The following PIBF1 variants were observed in gnomAD, a reference collection of about 807,000 sequenced individuals.
PIBF1 encodes progesterone-induced-blocking factor 1.
PIBF1 carries 90 observed loss-of-function variants against 112.5 expected under a neutral mutation model. That is an observed-to-expected ratio of 0.80 (90% CI 0.67 to 0.95). PIBF1 has a LOEUF of 0.95. Ranked by LOEUF, PIBF1 falls within the 40% of genes least tolerant of loss-of-function variation. PIBF1 has a pLI of 0.00. For synonymous variants in PIBF1, 301 were observed against 288.6 expected, an observed-to-expected ratio of 1.04 and a Z score of -0.44; for missense variants, 915 against 852.3, an observed-to-expected ratio of 1.07 and a Z score of -0.92.
At chr13:72,919,108 CT>C (rs1364367558) in intron 13 of PIBF1, among the ~76,000 whole-genome samples, 5 of 151,892 alleles carry the variant, frequency 3.3e-5, no homozygotes, top group South Asian at 2.1e-4. Context: ...TTCAGAGTTG[CT>C]TTTTTTTATG....
intron 14 of PIBF1, among the ~76,000 whole-genome samples, chr13:72,947,488 C>A (rs933380573): frequency 6.6e-6 from 1 of 152,180 alleles, no homozygotes; most frequent in Admixed American, 6.5e-5. Flanking sequence ...ACATTTTGCT[C>A]CTTGTTACAT....
Position 72,831,665 on chromosome 13 carries a change from G to T in PIBF1, c.1098-3578G>T, listed in dbSNP as rs184216096. On this transcript the variant is annotated intron_variant, in intron 8 of 17. Transcript: ENST00000326291. ...TGATTTCTGTTCTTTTGCATTTGCT[G>T]AGGGGTGTTTTACTTCCTATTATGT... 1.0e-3 allele frequency among the ~76,000 whole-genome samples: 153 copies of T among 152,290 alleles called. No individual in the cohort carries two copies. In the Middle Eastern group the frequency reaches 0.024, roughly 24 times the overall value.
At chr13:72,961,007 T>C (rs965042044) in intron 14 of PIBF1, among the ~76,000 whole-genome samples, 2 of 152,038 alleles carry the variant, frequency 1.3e-5, no homozygotes, top group African/African-American at 4.8e-5. Flanking sequence ...AAAAGTAGCC[T>C]TCTTTTCTTT....
At chr13:72,980,814 A>T in intron 16 of PIBF1, among the ~76,000 whole-genome samples, 1 of 151,992 alleles carries the variant, frequency 6.6e-6, no homozygotes, top group East Asian at 1.9e-4. Flanking sequence ...TCCAAAAAAA[A>T]AAAAGAAAAA....
chr13:72,911,796 G>A (rs1234026902), intron 12 of PIBF1, among the ~76,000 whole-genome samples: 1 of 152,032 alleles, frequency 6.6e-6, no homozygotes, highest in Non-Finnish European at 1.5e-5. Context: ...AAAAGAAAAT[G>A]ATACCCAAAT....
intron 16 of PIBF1, among the ~76,000 whole-genome samples, chr13:72,976,343 AAGG>A (rs1183808964): frequency 6.6e-6 from 1 of 151,784 alleles, no homozygotes; most frequent in African/African-American, 2.4e-5. Context: ...AGAAGGAAGA[AAGG>A]AAGCGAAGGA....
intron 6 of PIBF1, among the ~76,000 whole-genome samples, chr13:72,822,249 T>C (rs1261900566): frequency 6.6e-6 from 1 of 152,194 alleles, no homozygotes; most frequent in African/African-American, 2.4e-5. Flanking sequence ...TTTTCAGTGT[T>C]ATTTGATGAT....
intron 16 of PIBF1, among the ~76,000 whole-genome samples, chr13:72,984,145 G>A (rs1389398965): frequency 6.6e-6 from 1 of 152,044 alleles, no homozygotes; most frequent in African/African-American, 2.4e-5. Context: ...GGACTAAAAT[G>A]TTGCAAAAAA....
chr13:72,843,601 G>A (rs151219125), intron 9 of PIBF1, among the ~76,000 whole-genome samples: 174 of 152,256 alleles, frequency 1.1e-3, no homozygotes, highest in African/African-American at 3.9e-3. Context: ...TAGTAGAGAC[G>A]GGGTTTCGCC....
intron 11 of PIBF1, among the ~76,000 whole-genome samples, chr13:72,902,380 C>G (rs935806698): frequency 6.8e-6 from 1 of 146,818 alleles, no homozygotes; most frequent in Admixed American, 6.8e-5. Context: ...CAATAACTTA[C>G]GGAAAAATAA....
In PIBF1 at chr13:72,961,589, T is replaced by C. The variant is rs2042609480; in HGVS notation, c.1834-3685T>C. Among the ~76,000 whole-genome samples the C allele has an allele frequency of 2.0e-5, 3 of 152,160 alleles. No homozygotes were observed. The South Asian group carries it at 6.2e-4, about 31-fold the overall frequency. Reference sequence around the variant, plus strand: ...AAAAGGCTAGACGTTTATCGCCAAATAGTATCTAAAGGTCATAGAATAGTT... The same window carrying C: ...AAAAGGCTAGACGTTTATCGCCAAACAGTATCTAAAGGTCATAGAATAGTT... On this transcript the variant is annotated intron_variant, in intron 14 of 17. Transcript: ENST00000326291.
At position 72,798,147 on chromosome 13, in the gene PIBF1, T is replaced by C. The variant is rs1164736278; in HGVS notation, c.672+121T>C. 2.5e-5 allele frequency: 24 copies of C among 974,390 alleles called. No homozygotes were observed. The East Asian group carries it at 5.9e-4, about 24-fold the overall frequency. 60.4% of individuals were successfully genotyped at this position (974,390 alleles called of 1,614,324 possible). A position where few individuals can be genotyped will look rare whatever the true frequency, so the allele number is the denominator to read the frequency against. On this transcript the variant is annotated intron_variant, in intron 5 of 17. Transcript: ENST00000326291. ...AAAAATGGGACTATGGGATGGTGAC[T>C]GCTACAGTTCAATAATGGGAAGGAG...
At position 72,913,898 on chromosome 13, in the gene PIBF1, A is replaced by G. The variant is rs186016120; in HGVS notation, c.1640-3178A>G. Among the ~76,000 whole-genome samples, 179 of 152,342 alleles carry G rather than the reference A, an allele frequency of 1.2e-3. 1 individual carries two copies. The highest frequency in any genetic ancestry group is 0.011 in the Admixed American group (170 of 15,300). ...TTTTTGTTATGATACTATCTAAACCAACTTCAAATAAAATAGATTTACCTG... is the reference window on the plus strand; with the variant it reads ...TTTTTGTTATGATACTATCTAAACCGACTTCAAATAAAATAGATTTACCTG... On this transcript the variant is annotated intron_variant, in intron 12 of 17. Coordinates refer to ENST00000326291, the MANE Select transcript of PIBF1 (RefSeq NM_006346.4).
At chr13:72,847,522 C>A (rs1489893354) in intron 9 of PIBF1, among the ~76,000 whole-genome samples, 1 of 152,172 alleles carries the variant, frequency 6.6e-6, no homozygotes, top group African/African-American at 2.4e-5. Context: ...GGCCTAATCA[C>A]CATTATCAGG....
At chr13:73,013,278 G>T (rs1450741412) in intron 17 of PIBF1, among the ~76,000 whole-genome samples, 1 of 138,450 alleles carries the variant, frequency 7.2e-6, no homozygotes, top group Non-Finnish European at 1.5e-5. Flanking sequence ...TCCAGCCTGG[G>T]CGACAGAGCG....
At chr13:72,999,734 C>A (rs1168592953) in intron 17 of PIBF1, among the ~76,000 whole-genome samples, 1 of 152,126 alleles carries the variant, frequency 6.6e-6, no homozygotes, top group Non-Finnish European at 1.5e-5. Flanking sequence ...TATAATTCAA[C>A]CTCCCTTTTT....
chr13:72,809,608 T>G (rs1440294941), intron 5 of PIBF1, among the ~76,000 whole-genome samples: 1 of 147,530 alleles, frequency 6.8e-6, no homozygotes, highest in Non-Finnish European at 1.5e-5. Context: ...TTTTTTTTTT[T>G]GGAGATGGAG....
intron 10 of PIBF1, among the ~76,000 whole-genome samples, chr13:72,869,536 C>T (rs1037814086): frequency 6.6e-6 from 1 of 151,490 alleles, no homozygotes; most frequent in Non-Finnish European, 1.5e-5. Flanking sequence ...TTAATGGGTG[C>T]AGCACACCAG....
chr13:72,818,678 CTTTTTTTTTT>C (rs3077726), intron 5 of PIBF1, among the ~76,000 whole-genome samples: 1 of 80,372 alleles, frequency 1.2e-5, no homozygotes, highest in African/African-American at 5.1e-5. Context: ...CAGTCTTAAA[CTTTTTTTTTT>C]TTTTTTTTTT....
Sources: allele counts gnomAD v4.1 joint callset (sites outside exome capture counted in the v4.1 genomes callset), GRCh38; gene constraint gnomAD v4.1.1; transcripts MANE v1.5; gene names NCBI Gene and HGNC (gene_info 2026-07-23, HGNC 2026-07-21).